NCBP1: variants seen among roughly 807,000 people sequenced by gnomAD.
The protein encoded by NCBP1 is nuclear cap binding protein subunit 1.
Under a neutral mutation model 111.7 loss-of-function variants are expected in NCBP1, and 16 were observed. That is an observed-to-expected ratio of 0.14 (90% CI 0.10 to 0.22). NCBP1 has a LOEUF of 0.22. Among genes scored for constraint, NCBP1 ranks in the 10% least tolerant of loss-of-function variants. The pLI is 1.00. For missense variants in NCBP1, 607 were observed against 957.5 expected (o/e 0.63, Z 4.83); for synonymous variants, 304 against 314.3 (o/e 0.97, Z 0.35).
chr9:97,668,404 T>G (rs1276824697), intron 20 of NCBP1, among the ~76,000 whole-genome samples: 2 of 152,236 alleles, frequency 1.3e-5, no homozygotes, highest in Admixed American at 6.5e-5. Flanking sequence ...AACAGCCCAC[T>G]TTGAATTATT....
rs181168904 is a variant in NCBP1, at chr9:97,672,105, A to G, written c.*906A>G. 4.0e-4 allele frequency: 61 copies of G among 152,340 alleles called. 1 individual carries two copies. The highest frequency in any genetic ancestry group is 1.3e-3 in the African/African-American group (55 of 41,568). The allele number at this position is 152,340 out of a possible 1,614,324, so 9.4% of individuals were successfully genotyped here. A position where few individuals can be genotyped will look rare whatever the true frequency, so the allele number is the denominator to read the frequency against. On this transcript the variant is annotated 3_prime_UTR_variant, in exon 23 of 23. Coordinates refer to ENST00000375147, the MANE Select transcript of NCBP1 (RefSeq NM_002486.5). ...ATGGAACCTGATCCAAAAAACTACG[A>G]AGTCCTGAGCTTGTTTCCTGTATAG...
At chr9:97,645,816 A>G in intron 6 of NCBP1, 84 bp downstream of exon 6, 1 of 1,501,124 alleles carries the variant, frequency 6.7e-7, no homozygotes, top group South Asian at 1.2e-5. Context: ...TCTCAAAAAT[A>G]AGCTGTAGAG....
chr9:97,642,788 C>T (rs1827237947), intron 3 of NCBP1, among the ~76,000 whole-genome samples: 1 of 152,026 alleles, frequency 6.6e-6, no homozygotes, highest in African/African-American at 2.4e-5. Context: ...TTTAGAAATT[C>T]TGAATGCTGC....
chr9:97,648,111 A>C lies in NCBP1; in HGVS notation c.785A>C (p.Glu262Ala). Residue 262 changes from glutamate to alanine, a missense_variant, in exon 8 of 23, where the codon GAA becomes GCA. This residue lies in a region of NCBP1 where 53 missense variants were observed against 144.8 expected (regional missense o/e 0.37). Transcript: ENST00000375147. ...CTTGCCTTTGACAGCATCCTGTGTGAAGCACTGCAGCACAATCTGCCTCCT... is the reference window on the plus strand; with the variant it reads ...CTTGCCTTTGACAGCATCCTGTGTGCAGCACTGCAGCACAATCTGCCTCCT... ...PYLAFDSILC[E>A]ALQHNLPPFT... 1.2e-6 allele frequency: 2 copies of C among 1,614,108 alleles called. No homozygotes were observed. Among genetic ancestry groups the C allele is most frequent in the Non-Finnish European group, 1.7e-6 (2 of 1,179,986 alleles).
At chr9:97,646,943 C>CTT (rs562016925) in intron 6 of NCBP1, among the ~76,000 whole-genome samples, 1 of 134,776 alleles carries the variant, frequency 7.4e-6, no homozygotes, top group Non-Finnish European at 1.6e-5. Context: ...CTTCACTTGG[C>CTT]TTTTTTTTTT....
chr9:97,637,211 T>C (rs1293639566), intron 1 of NCBP1, among the ~76,000 whole-genome samples: 1 of 152,184 alleles, frequency 6.6e-6, no homozygotes, highest in African/African-American at 2.4e-5. Context: ...ATTAGGAGGC[T>C]ATACCAATGA....
At chr9:97,661,107 T>G in intron 16 of NCBP1, 39 bp downstream of exon 16, 1 of 1,604,220 alleles carries the variant, frequency 6.2e-7, no homozygotes, top group African/African-American at 1.3e-5. Flanking sequence ...GAACTATGTA[T>G]AGGCCAACTT....
chr9:97,633,948 T>A, intron 1 of NCBP1, 33 bp downstream of exon 1: 3 of 1,565,436 alleles, frequency 1.9e-6, no homozygotes, highest in Non-Finnish European at 2.6e-6. Flanking sequence ...CGGAGGCCGC[T>A]CCCGGTTGGG....
chr9:97,650,951 A>T (rs981045819), intron 9 of NCBP1, among the ~76,000 whole-genome samples: 11 of 148,160 alleles, frequency 7.4e-5, no homozygotes, highest in Admixed American at 1.3e-4. Context: ...TTTTTTTTTT[A>T]AATAAAATTT....
chr9:97,660,512 A>T (rs1184893006), intron 15 of NCBP1, among the ~76,000 whole-genome samples: 1 of 152,202 alleles, frequency 6.6e-6, no homozygotes, highest in Non-Finnish European at 1.5e-5. Context: ...TGAGACTCAG[A>T]CTTCATTTCC....
At chr9:97,659,617 C>T (rs191050220) in intron 15 of NCBP1, among the ~76,000 whole-genome samples, 3 of 152,266 alleles carry the variant, frequency 2.0e-5, no homozygotes, top group Non-Finnish European at 4.4e-5. Context: ...CAAATTCAGG[C>T]GTAGGTGCAC....
intron 5 of NCBP1, 28 bp downstream of exon 5, chr9:97,645,252 G>C (rs1564019623): frequency 1.3e-6 from 2 of 1,543,156 alleles, no homozygotes; most frequent in Non-Finnish European, 1.8e-6. Flanking sequence ...GCTGAATCTT[G>C]AGGGGTTCTT....
intron 19 of NCBP1, among the ~76,000 whole-genome samples, chr9:97,665,296 G>A (rs1455265552): frequency 1.3e-5 from 2 of 152,192 alleles, no homozygotes; most frequent in Non-Finnish European, 2.9e-5. Flanking sequence ...CTAACCACCC[G>A]AGTATGTTTT....
At chr9:97,636,151 A>C (rs752245081) in intron 1 of NCBP1, 1 of 151,830 alleles carries the variant, frequency 6.6e-6, no homozygotes, top group Admixed American at 6.6e-5. Flanking sequence ...TAATACAGCA[A>C]ATCTGAAATT....
intron 14 of NCBP1, 68 bp downstream of exon 14, chr9:97,656,153 A>G (rs1827646522): frequency 8.0e-7 from 1 of 1,242,278 alleles, no homozygotes; most frequent in East Asian, 2.4e-5. Context: ...TGCACTTGTG[A>G]TGTGTGTTCA....
Position 97,645,234 on chromosome 9 carries a change from C to T in NCBP1, c.489+10C>T, listed in dbSNP as rs371725684. The stretch of plus-strand genomic sequence containing the variant: ...AGAAGATGTACCTCAGGTAAGAGAA[C>T]CCCTCATGCTGAATCTTGAGGGGTT... On this transcript the variant is annotated intron_variant, in intron 5 of 22. Transcript: ENST00000375147. 1 of 1,585,782 alleles carries T rather than the reference C, an allele frequency of 6.3e-7. No individual in the cohort carries two copies. Among genetic ancestry groups the T allele is most frequent in the Non-Finnish European group, 8.7e-7 (1 of 1,154,774 alleles).
At chr9:97,638,266 C>T (rs1013978779) in intron 1 of NCBP1, among the ~76,000 whole-genome samples, 2 of 152,154 alleles carry the variant, frequency 1.3e-5, no homozygotes, top group Non-Finnish European at 2.9e-5. Context: ...CTTTCTGCCT[C>T]CTCCCATTCT....
chr9:97,649,889 G>A (rs1330191857), intron 8 of NCBP1, among the ~76,000 whole-genome samples: 1 of 151,896 alleles, frequency 6.6e-6, no homozygotes, highest in Admixed American at 6.6e-5. Flanking sequence ...CTCCCAAAAC[G>A]AACAGGATTT....
chr9:97,656,544 C>T (rs1409880500), intron 14 of NCBP1, among the ~76,000 whole-genome samples: 1 of 152,058 alleles, frequency 6.6e-6, no homozygotes, highest in African/African-American at 2.4e-5. Context: ...GAGCGACACT[C>T]TTATCTCAAA....
Sources: allele counts gnomAD v4.1 joint callset (sites outside exome capture counted in the v4.1 genomes callset), GRCh38; gene constraint gnomAD v4.1.1; regional missense constraint gnomAD v4.1.1; transcripts MANE v1.5; gene names NCBI Gene and HGNC (gene_info 2026-07-23, HGNC 2026-07-21).